The following AOAH variants were observed in gnomAD, a reference collection of about 807,000 sequenced individuals.
The protein encoded by AOAH is acyloxyacyl hydrolase.
A neutral mutation model predicts 92.2 loss-of-function variants in AOAH; 64 were observed. That is an observed-to-expected ratio of 0.69 (90% CI 0.57 to 0.86). The LOEUF is 0.86. AOAH is among the 40% of genes least tolerant of loss of function. The pLI is 0.00. For missense variants in AOAH, 656 were observed against 694.6 expected, an observed-to-expected ratio of 0.94 and a Z score of 0.62; for synonymous variants, 263 against 254.5, an observed-to-expected ratio of 1.03 and a Z score of -0.32.
At chr7:36,623,629 A>G (rs1210004880) in intron 6 of AOAH, among the ~76,000 whole-genome samples, 1 of 152,246 alleles carries the variant, frequency 6.6e-6, no homozygotes, top group Admixed American at 6.5e-5. Flanking sequence ...ACATTGTTAT[A>G]GAAATCTTTT....
At chr7:36,702,253 G>T (rs973735081) in intron 1 of AOAH, among the ~76,000 whole-genome samples, 1 of 152,082 alleles carries the variant, frequency 6.6e-6, no homozygotes, top group Admixed American at 6.6e-5. Flanking sequence ...TACATTCCTA[G>T]TGCTTTTCAT....
Position 36,602,596 on chromosome 7 carries a change from G to GA in AOAH, c.847-8167dup, listed in dbSNP as rs555080341. On this transcript the variant is annotated intron_variant, in intron 11 of 20. Transcript: ENST00000617537. Reference sequence around the variant, plus strand: ...ATTGAAACAAATTCTTCCACAAACAGAAAAAAAAAAATTCCTCCAAGGGCC... The same window carrying GA: ...ATTGAAACAAATTCTTCCACAAACAGAAAAAAAAAAAATTCCTCCAAGGGCC... Among the ~76,000 whole-genome samples the GA allele has an allele frequency of 1.5e-3, 219 of 143,422 alleles. 3 individuals are homozygous for GA. The South Asian group carries it at 0.025, about 16-fold the overall frequency. The allele number at this position is 143,422 out of a possible 152,430, so 94.1% of individuals were successfully genotyped here.
At chr7:36,675,890 G>A (rs1001272115) in intron 2 of AOAH, among the ~76,000 whole-genome samples, 1 of 152,074 alleles carries the variant, frequency 6.6e-6, no homozygotes, top group Non-Finnish European at 1.5e-5. Flanking sequence ...AAAACCATAT[G>A]ATTATCCAAT....
intron 11 of AOAH, among the ~76,000 whole-genome samples, chr7:36,613,774 C>A (rs1456024050): frequency 6.6e-6 from 1 of 152,174 alleles, no homozygotes; most frequent in South Asian, 2.1e-4. Context: ...TTCATGTGTG[C>A]AATTTCCTCT....
intron 3 of AOAH, among the ~76,000 whole-genome samples, chr7:36,664,592 T>C (rs1331877523): frequency 6.6e-6 from 1 of 152,182 alleles, no homozygotes; most frequent in East Asian, 1.9e-4. Flanking sequence ...GTGTCGACCA[T>C]TCTTGATCTT....
At chr7:36,576,118 C>T (rs1788480538) in intron 13 of AOAH, among the ~76,000 whole-genome samples, 1 of 152,214 alleles carries the variant, frequency 6.6e-6, no homozygotes, top group South Asian at 2.1e-4. Context: ...CAATAGACCG[C>T]CTCCAGGTCC....
chr7:36,598,625 A>G (rs1240603320), intron 11 of AOAH, among the ~76,000 whole-genome samples: 1 of 152,224 alleles, frequency 6.6e-6, no homozygotes, highest in Admixed American at 6.5e-5. Context: ...GAACTGTCCC[A>G]GGTTTAAGAG....
chr7:36,585,884 T>C (rs968958120), intron 12 of AOAH, among the ~76,000 whole-genome samples: 1 of 152,210 alleles, frequency 6.6e-6, no homozygotes, highest in Non-Finnish European at 1.5e-5. Context: ...TTATACACAT[T>C]AATTTTTTTG....
chr7:36,686,616 G>A (rs1797022604), intron 2 of AOAH, 83 bp downstream of exon 2: 1 of 652,148 alleles, frequency 1.5e-6, no homozygotes, highest in Non-Finnish European at 2.4e-6. Flanking sequence ...CTGTAAGTGT[G>A]GGCAGGAAGT....
chr7:36,641,090 C>T (rs940276094), intron 4 of AOAH, among the ~76,000 whole-genome samples: 3 of 152,208 alleles, frequency 2.0e-5, no homozygotes, highest in African/African-American at 7.2e-5. Context: ...AGAAAGTATA[C>T]ATCCTCCCTA....
chr7:36,666,756 A>G (rs369405222), intron 3 of AOAH, among the ~76,000 whole-genome samples: 2 of 152,082 alleles, frequency 1.3e-5, no homozygotes, highest in East Asian at 1.9e-4. Context: ...ACGAATTTTG[A>G]TAAGTTTTAT....
intron 1 of AOAH, among the ~76,000 whole-genome samples, chr7:36,706,231 A>G (rs1285008881): frequency 6.6e-6 from 1 of 152,188 alleles, no homozygotes; most frequent in Non-Finnish European, 1.5e-5. Context: ...GCTACAGAAT[A>G]GATGTTGTGT....
chr7:36,548,422 G>A (rs932942973), intron 15 of AOAH, among the ~76,000 whole-genome samples, 190 bp downstream of exon 15: 1 of 152,118 alleles, frequency 6.6e-6, no homozygotes, highest in African/African-American at 2.4e-5. Context: ...CTGACCTCAG[G>A]TGATCTGCCC....
At chr7:36,649,668 T>C (rs957721728) in intron 4 of AOAH, among the ~76,000 whole-genome samples, 4 of 152,176 alleles carry the variant, frequency 2.6e-5, no homozygotes, top group African/African-American at 4.8e-5. Context: ...CTCCCATTGT[T>C]TGGGAGCTCT....
intron 1 of AOAH, among the ~76,000 whole-genome samples, chr7:36,697,669 T>C (rs1797800806): frequency 6.6e-6 from 1 of 152,226 alleles, no homozygotes; most frequent in Non-Finnish European, 1.5e-5. Context: ...TTTCTGTACC[T>C]GGTTGAACAG....
At chr7:36,618,399 A>G (rs1792045979) in intron 9 of AOAH, 54 bp from the exon 10 acceptor site, 3 of 1,528,618 alleles carry the variant, frequency 2.0e-6, no homozygotes, top group Admixed American at 3.4e-5. Context: ...TATGAGATAC[A>G]TATACTAAAG....
intron 5 of AOAH, 83 bp from the exon 6 acceptor site, chr7:36,632,189 A>G: frequency 2.6e-6 from 3 of 1,148,844 alleles, no homozygotes; most frequent in Non-Finnish European, 3.7e-6. Context: ...TCTGAACTTG[A>G]GGTTTCTGGA....
chr7:36,665,465 A>T (rs1795473868), intron 3 of AOAH, among the ~76,000 whole-genome samples: 1 of 151,556 alleles, frequency 6.6e-6, no homozygotes. Flanking sequence ...TGGATTTTCC[A>T]CATAGACAAT....
At chr7:36,630,012 C>T (rs1792960217) in intron 6 of AOAH, among the ~76,000 whole-genome samples, 1 of 152,170 alleles carries the variant, frequency 6.6e-6, no homozygotes, top group South Asian at 2.1e-4. Flanking sequence ...AAGGAAATGA[C>T]AGGCACCCAG....
Sources: gnomAD v4.1 joint callset for allele counts (sites outside exome capture counted in the v4.1 genomes callset) on GRCh38, gnomAD v4.1.1 for gene constraint, MANE v1.5 for transcripts, NCBI Gene and HGNC (gene_info 2026-07-23, HGNC 2026-07-21) for gene names.